The following TMEM132D variants were observed in gnomAD, a reference collection of about 807,000 sequenced individuals.
TMEM132D encodes transmembrane protein 132D, also known as mature OL transmembrane protein.
Under a neutral mutation model 62.3 loss-of-function variants are expected in TMEM132D, and 21 were observed. The observed-to-expected ratio is 0.34, with a 90% CI of 0.24 to 0.49. The LOEUF (loss-of-function observed/expected upper bound fraction) is 0.49. TMEM132D is among the 20% of genes least tolerant of loss of function. The probability of loss-of-function intolerance (pLI) is 0.99; values close to 1 mark genes in which losing one functional copy is unlikely to be tolerated. For synonymous variants in TMEM132D, 621 were observed against 575.6 expected, an observed-to-expected ratio of 1.08 and a Z score of -1.13; for missense variants, 1,346 against 1,402.8, an observed-to-expected ratio of 0.96 and a Z score of 0.65.
intron 3 of TMEM132D, among the ~76,000 whole-genome samples, chr12:129,417,725 T>A (rs932522027): frequency 8.6e-5 from 13 of 151,960 alleles, no homozygotes; most frequent in African/African-American, 3.1e-4. Context: ...ACTAAAGAGC[T>A]TCTGCACAGC....
intron 3 of TMEM132D, among the ~76,000 whole-genome samples, chr12:129,450,630 T>C (rs1269992674): frequency 6.6e-6 from 1 of 152,116 alleles, no homozygotes; most frequent in Admixed American, 6.6e-5. Flanking sequence ...CAGCATCAGC[T>C]GTGAAACCAG....
At chr12:129,846,603 C>G (rs970291642) in intron 1 of TMEM132D, among the ~76,000 whole-genome samples, 1 of 152,166 alleles carries the variant, frequency 6.6e-6, no homozygotes, top group African/African-American at 2.4e-5. Flanking sequence ...GGCTGGACAT[C>G]ATATCACTTC....
chr12:129,222,046 G>A (rs1046270429), intron 4 of TMEM132D, among the ~76,000 whole-genome samples: 1 of 152,172 alleles, frequency 6.6e-6, no homozygotes, highest in Admixed American at 6.6e-5. Context: ...AAGTACATCA[G>A]CTCTTGGGTT....
At chr12:129,619,846 A>G (rs1565925389) in intron 2 of TMEM132D, among the ~76,000 whole-genome samples, 1 of 152,232 alleles carries the variant, frequency 6.6e-6, no homozygotes. Context: ...AATAGTTTAA[A>G]AGGACATTTC....
chr12:129,334,090 C>A (rs925828150), intron 4 of TMEM132D, among the ~76,000 whole-genome samples: 1 of 152,100 alleles, frequency 6.6e-6, no homozygotes, highest in African/African-American at 2.4e-5. Flanking sequence ...CACTGCACTC[C>A]AGCCTGGGGG....
chr12:129,463,335 T>C (rs1020787253), intron 3 of TMEM132D, among the ~76,000 whole-genome samples: 1 of 151,966 alleles, frequency 6.6e-6, no homozygotes, highest in Non-Finnish European at 1.5e-5. Flanking sequence ...GTAGCAATAA[T>C]CATTATCTTT....
chr12:129,332,371 C>T (rs375397746), intron 4 of TMEM132D, among the ~76,000 whole-genome samples: 6 of 152,004 alleles, frequency 3.9e-5, no homozygotes, highest in Admixed American at 2.0e-4. Flanking sequence ...GAAAAAAATA[C>T]AAAATATTAA....
intron 3 of TMEM132D, among the ~76,000 whole-genome samples, chr12:129,484,290 T>C (rs1456317663): frequency 6.6e-6 from 1 of 152,172 alleles, no homozygotes; most frequent in African/African-American, 2.4e-5. Context: ...TACTTATTTC[T>C]AAAATCTTGG....
intron 5 of TMEM132D, among the ~76,000 whole-genome samples, chr12:129,128,754 G>T (rs73416541): frequency 0.013 from 1,907 of 151,490 alleles, 39 homozygotes; most frequent in African/African-American, 0.044. Flanking sequence ...CTCCCATCCT[G>T]CCCCCACCCT....
At chr12:129,410,989 C>G (rs10773649) in intron 3 of TMEM132D, among the ~76,000 whole-genome samples, 103,597 of 151,702 alleles carry the variant, frequency 0.68, 36,147 homozygotes, top group East Asian at 0.89. Flanking sequence ...TGAAGAACTT[C>G]ATTTTAAATT....
In TMEM132D at chr12:129,828,707, GAA is replaced by G. The variant is rs1566000114; in HGVS notation, c.79+74552_79+74553del. On this transcript the variant is annotated intron_variant, in intron 1 of 8. Coordinates refer to ENST00000422113, the MANE Select transcript of TMEM132D (RefSeq NM_133448.3). ...AGGAAGGAAGGGAGGGAGGGAGGGAGAAGGAAGGGAGGAAAGGAGGGAGGGAG... is the reference window on the plus strand; with the variant it reads ...AGGAAGGAAGGGAGGGAGGGAGGGAGGGAAGGGAGGAAAGGAGGGAGGGAG... Among the ~76,000 whole-genome samples, 17 of 9,932 alleles carry G rather than the reference GAA, an allele frequency of 1.7e-3. 1 individual carries two copies. Among genetic ancestry groups the G allele is most frequent in the East Asian group, 5.0e-3 (2 of 404 alleles). The allele number at this position is 9,932 out of a possible 152,430, so 6.5% of individuals were successfully genotyped here. A position where few individuals can be genotyped will look rare whatever the true frequency, so the allele number is the denominator to read the frequency against.
At chr12:129,862,498 A>G (rs1178355370) in intron 1 of TMEM132D, among the ~76,000 whole-genome samples, 1 of 152,176 alleles carries the variant, frequency 6.6e-6, no homozygotes, top group Non-Finnish European at 1.5e-5. Flanking sequence ...CACTAGTTCA[A>G]TCTTTTCCAT....
At chr12:129,094,108 G>C (rs1875021039) in intron 5 of TMEM132D, among the ~76,000 whole-genome samples, 1 of 152,044 alleles carries the variant, frequency 6.6e-6, no homozygotes. Flanking sequence ...TACCATTCAG[G>C]ACATAGGCAT....
intron 3 of TMEM132D, among the ~76,000 whole-genome samples, chr12:129,388,484 TA>T (rs200665113): frequency 0.026 from 2,503 of 95,946 alleles, 6 homozygotes; most frequent in African/African-American, 0.047. Context: ...ACACAAATCC[TA>T]ATATAAACAC....
chr12:129,279,350 G>A (rs560283111), intron 4 of TMEM132D, among the ~76,000 whole-genome samples: 2 of 152,216 alleles, frequency 1.3e-5, no homozygotes, highest in East Asian at 1.9e-4. Flanking sequence ...ACTAAATTCT[G>A]TGGCAAAGGA....
intron 4 of TMEM132D, among the ~76,000 whole-genome samples, chr12:129,264,871 C>T (rs1880644455): frequency 2.0e-5 from 3 of 152,034 alleles, no homozygotes. Context: ...GCTATAAGGA[C>T]ACAAAGACAT....
intron 2 of TMEM132D, among the ~76,000 whole-genome samples, chr12:129,627,877 C>G (rs905190460): frequency 7.9e-5 from 12 of 152,060 alleles, no homozygotes; most frequent in African/African-American, 2.7e-4. Context: ...GATCCAGCTA[C>G]TTTCAGGGCT....
chr12:129,606,417 C>T (rs1878626532), intron 2 of TMEM132D, among the ~76,000 whole-genome samples: 1 of 152,098 alleles, frequency 6.6e-6, no homozygotes, highest in Non-Finnish European at 1.5e-5. Flanking sequence ...TGCCGCAGCC[C>T]CGGAGCCACA....
At chr12:129,427,306 C>A (rs75557816) in intron 3 of TMEM132D, among the ~76,000 whole-genome samples, 6 of 151,174 alleles carry the variant, frequency 4.0e-5, no homozygotes, top group African/African-American at 1.5e-4. Context: ...ATGCTAAGGA[C>A]GCATCAAGAA....
Sources: allele counts gnomAD v4.1 joint callset (sites outside exome capture counted in the v4.1 genomes callset), GRCh38; gene constraint gnomAD v4.1.1; transcripts MANE v1.5; gene names NCBI Gene and HGNC (gene_info 2026-07-23, HGNC 2026-07-21).